The following MICAL3 variants were observed in gnomAD, a reference collection of about 807,000 sequenced individuals.
The protein encoded by MICAL3 is microtubule associated monooxygenase, calponin and LIM domain containing 3.
A neutral mutation model predicts 207.4 loss-of-function variants in MICAL3; 62 were observed. The ratio of observed to expected loss-of-function variants is 0.30; its 90% CI spans 0.24 to 0.37. The LOEUF (loss-of-function observed/expected upper bound fraction) is 0.37. Among genes scored for constraint, MICAL3 ranks in the 10% least tolerant of loss-of-function variants. The probability of loss-of-function intolerance (pLI) is 1.00; values close to 1 mark genes in which losing one functional copy is unlikely to be tolerated. For synonymous variants in MICAL3, 1,077 were observed against 1,069.3 expected, an observed-to-expected ratio of 1.01 and a Z score of -0.14; for missense variants, 2,368 against 2,635.6, an observed-to-expected ratio of 0.90 and a Z score of 2.22.
At chr22:17,913,121 G>A (rs1362174853) in intron 1 of MICAL3, among the ~76,000 whole-genome samples, 1 of 152,112 alleles carries the variant, frequency 6.6e-6, no homozygotes, top group Non-Finnish European at 1.5e-5. Flanking sequence ...CAGCAGGATG[G>A]AGAGGAAACA....
intron 1 of MICAL3, among the ~76,000 whole-genome samples, chr22:17,944,457 C>T (rs1933960257): frequency 6.6e-6 from 1 of 152,154 alleles, no homozygotes; most frequent in African/African-American, 2.4e-5. Flanking sequence ...ATGTGATCTC[C>T]CGCCTGTTCA....
intron 1 of MICAL3, among the ~76,000 whole-genome samples, chr22:17,908,246 T>G (rs1289829753): frequency 6.6e-6 from 1 of 152,210 alleles, no homozygotes; most frequent in African/African-American, 2.4e-5. Context: ...TAAGCACTGT[T>G]GCACGAACCC....
At chr22:17,985,255 G>A (rs1413219120) in intron 1 of MICAL3, among the ~76,000 whole-genome samples, 1 of 152,116 alleles carries the variant, frequency 6.6e-6, no homozygotes, top group South Asian at 2.1e-4. Flanking sequence ...TTGTGCAGCA[G>A]AATGCCCGAG....
chr22:17,895,267 T>C lies in MICAL3; in HGVS notation c.1449+17A>G, dbSNP rs373100403. On this transcript the variant is annotated intron_variant, in intron 10 of 31. Transcript: ENST00000441493. ...TGCAGATGGGCCCAGATGTAAATAC[T>C]GACAAGAAGGTCTTACCTGGCTTGG... 6 of 1,612,576 alleles carry C rather than the reference T, an allele frequency of 3.7e-6. No homozygotes were observed. Among genetic ancestry groups the C allele is most frequent in the South Asian group, 1.1e-5 (1 of 90,638 alleles).
intron 1 of MICAL3, among the ~76,000 whole-genome samples, chr22:17,977,008 G>A (rs141631684): frequency 2.6e-4 from 40 of 151,854 alleles, no homozygotes; most frequent in African/African-American, 8.2e-4. Flanking sequence ...GGGTTTCACC[G>A]TGTTAGCCAG....
chr22:17,806,331 T>C (rs1037019309), intron 29 of MICAL3, among the ~76,000 whole-genome samples: 4 of 152,130 alleles, frequency 2.6e-5, no homozygotes, highest in African/African-American at 9.7e-5. Context: ...GGGTAACACG[T>C]TTTGCTGCGG....
chr22:17,903,840 T>G (rs886994298), intron 3 of MICAL3, among the ~76,000 whole-genome samples: 1 of 152,278 alleles, frequency 6.6e-6, no homozygotes, highest in Non-Finnish European at 1.5e-5. Flanking sequence ...ACAGGACACA[T>G]CTGGAGAAGC....
intron 29 of MICAL3, 37 bp from the exon 30 acceptor site, chr22:17,791,338 C>A: frequency 6.5e-7 from 1 of 1,541,760 alleles, no homozygotes. Flanking sequence ...GCAGGGAGTG[C>A]CGCGCCCACC....
At position 17,970,794 on chromosome 22, in the gene MICAL3, C is replaced by T. The variant is rs112642935; in HGVS notation, c.-75+53487G>A. Among the ~76,000 whole-genome samples, 519 of 140,650 alleles carry T rather than the reference C, an allele frequency of 3.7e-3. 4 individuals are homozygous for T. Among genetic ancestry groups the T allele is most frequent in the African/African-American group, 0.012 (503 of 40,426 alleles). The allele number at this position is 140,650 out of a possible 152,430, so 92.3% of individuals were successfully genotyped here. On this transcript the variant is annotated intron_variant, in intron 1 of 31. Coordinates refer to ENST00000441493, the MANE Select transcript of MICAL3 (RefSeq NM_015241.3). ...ATGTGGAAAATTTTTTTATCTGTTA[C>T]GTCTTTCCTATTATATTTATCTTGT... is the stretch of plus-strand genomic sequence containing the variant.
intron 25 of MICAL3, 115 bp downstream of exon 25, chr22:17,821,312 T>C (rs1921618499): frequency 6.0e-6 from 5 of 830,872 alleles, no homozygotes; most frequent in Non-Finnish European, 7.3e-6. Flanking sequence ...CAGCAGGCTA[T>C]GTTAGCCCCA....
intron 1 of MICAL3, among the ~76,000 whole-genome samples, chr22:17,998,549 T>C (rs1199178740): frequency 7.4e-6 from 1 of 135,504 alleles, no homozygotes; most frequent in East Asian, 2.7e-4. Flanking sequence ...ATAATAATAA[T>C]TATTATTATT....
At chr22:17,915,826 T>G (rs1270334478) in intron 1 of MICAL3, among the ~76,000 whole-genome samples, 2 of 151,882 alleles carry the variant, frequency 1.3e-5, no homozygotes, top group Non-Finnish European at 2.9e-5. Flanking sequence ...GTGTGGCGAC[T>G]GATGACTGTA....
At chr22:17,894,979 C>T (rs1930704332) in intron 10 of MICAL3, among the ~76,000 whole-genome samples, 1 of 152,168 alleles carries the variant, frequency 6.6e-6, no homozygotes, top group South Asian at 2.1e-4. Flanking sequence ...GAAGTTACCT[C>T]TCCTCACTAA....
chr22:17,925,502 G>A (rs77127816), intron 1 of MICAL3, among the ~76,000 whole-genome samples: 55 of 152,216 alleles, frequency 3.6e-4, no homozygotes, highest in African/African-American at 1.2e-3. Flanking sequence ...TCAGTTTTAC[G>A]AGGAATGTGA....
intron 1 of MICAL3, among the ~76,000 whole-genome samples, chr22:17,989,251 T>G (rs1921391939): frequency 6.6e-6 from 1 of 152,132 alleles, no homozygotes; most frequent in South Asian, 2.1e-4. Context: ...CTTCCACCGC[T>G]AAGCCTGCCG....
chr22:17,877,153 GGGAGGTTATGGAGGTT>G (rs1928685534), intron 16 of MICAL3, among the ~76,000 whole-genome samples: 1 of 118,190 alleles, frequency 8.5e-6, no homozygotes, highest in Non-Finnish European at 1.7e-5. Flanking sequence ...ATGGAGGTTA[GGGAGGTTATGGAGGTT>G]AGGGAGGTTA....
chr22:17,883,917 C>T (rs1239067076), intron 16 of MICAL3, among the ~76,000 whole-genome samples: 1 of 152,092 alleles, frequency 6.6e-6, no homozygotes, highest in Non-Finnish European at 1.5e-5. Context: ...ATTCTCTCTC[C>T]CAAGGTCACG....
chr22:17,975,912 G>A (rs1416199115), intron 1 of MICAL3, among the ~76,000 whole-genome samples: 4 of 152,076 alleles, frequency 2.6e-5, no homozygotes, highest in Admixed American at 1.3e-4. Context: ...TTAGCCGGGC[G>A]TGGCAGTACA....
chr22:17,923,550 C>A (rs928383254), intron 1 of MICAL3, among the ~76,000 whole-genome samples: 4 of 152,252 alleles, frequency 2.6e-5, no homozygotes, highest in Non-Finnish European at 5.9e-5. Flanking sequence ...AAGGCCCAGG[C>A]CACCTTCTGG....
Sources: gnomAD v4.1 joint callset for allele counts (sites outside exome capture counted in the v4.1 genomes callset) on GRCh38, gnomAD v4.1.1 for gene constraint, MANE v1.5 for transcripts, NCBI Gene and HGNC (gene_info 2026-07-23, HGNC 2026-07-21) for gene names.